WNT10A: variants seen among roughly 807,000 people sequenced by gnomAD.
The protein encoded by WNT10A is protein Wnt-10a.
In WNT10A, 37 loss-of-function variants were observed where a neutral mutation model predicts 36.1. The ratio of observed to expected loss-of-function variants is 1.02; its 90% CI spans 0.79 to 1.35. WNT10A has a LOEUF of 1.35. WNT10A is among the 40% of genes most tolerant of loss of function. The pLI, the probability that WNT10A is intolerant of heterozygous loss-of-function variation, is 0.00. For missense variants in WNT10A, 613 were observed against 601.4 expected (o/e 1.02, Z -0.20); for synonymous variants, 255 against 254.1 (o/e 1.00, Z -0.03).
rs1374611883 is a variant in WNT10A, at chr2:218,888,914, C to A, written c.377-1070C>A. On this transcript the variant is annotated intron_variant, in intron 2 of 3. Coordinates refer to ENST00000258411, the MANE Select transcript of WNT10A (RefSeq NM_025216.3). ...GTGTACATTTTATTTTATGAAATATCATTTTATTTATTTATTTATTTATTT... is the reference window on the plus strand; with the variant it reads ...GTGTACATTTTATTTTATGAAATATAATTTTATTTATTTATTTATTTATTT... Among the ~76,000 whole-genome samples the A allele has an allele frequency of 2.0e-5, 3 of 151,866 alleles. No homozygotes were observed. In the East Asian group the frequency reaches 5.8e-4, roughly 29 times the overall value.
rs530717943 is a variant in WNT10A at position 218,892,906 on chromosome 2, G to A, written c.889G>A (p.Ala297Thr). 5 of 1,535,850 alleles carry A rather than the reference G, an allele frequency of 3.3e-6. No homozygotes were observed. The East Asian group carries it at 1.3e-4, about 39-fold the overall frequency. The stretch of plus-strand genomic sequence containing the variant: ...GCTGCTGCGCAGCCGCTTCCACCGC[G>A]CCACGCTCATCCGGCCGCACAACCG... ...GALLRSRFHR[A>T]TLIRPHNRNG... Residue 297 changes from alanine to threonine, a missense_variant, in exon 4 of 4, where the codon GCC becomes ACC. Ala to Thr is a moderately conservative substitution (Grantham distance 58). Transcript: ENST00000258411.
upstream of WNT10A, among the ~76,000 whole-genome samples, chr2:218,878,727 G>A (rs1944475201): frequency 6.6e-6 from 1 of 152,112 alleles, no homozygotes; most frequent in South Asian, 2.1e-4. This position sits in a 1 kb window ranked among gnomAD's most constrained non-coding sequence, Gnocchi z 4.1. Flanking sequence ...CGCGTGATGG[G>A]GAATAAGGAC....
At chr2:218,891,641 GTTAA>G (rs1200385296) in intron 3 of WNT10A, among the ~76,000 whole-genome samples, 1 of 152,140 alleles carries the variant, frequency 6.6e-6, no homozygotes, top group Non-Finnish European at 1.5e-5. Context: ...CGTTAAACTG[GTTAA>G]TTAATGGCTG....
At chr2:218,878,285 C>T (rs903540476), upstream of WNT10A, among the ~76,000 whole-genome samples, 1 of 152,150 alleles carries the variant, frequency 6.6e-6, no homozygotes, top group African/African-American at 2.4e-5. The surrounding 1 kb of genome is among the most constrained non-coding windows in gnomAD (Gnocchi z 4.1). Flanking sequence ...AGACTCTCCC[C>T]TCCCTTCACT....
intron 3 of WNT10A, 105 bp from the exon 4 acceptor site, chr2:218,892,669 T>G: frequency 4.7e-6 from 7 of 1,501,324 alleles, no homozygotes; most frequent in East Asian, 2.6e-5. Context: ...CCTCAGCGTT[T>G]GCCTCTGTAT....
In WNT10A at chr2:218,890,201, G is replaced by A. The variant is rs373347655; in HGVS notation, c.594G>A (p.Leu198=). 6.2e-6 allele frequency: 10 copies of A among 1,613,934 alleles called. No individual in the cohort carries two copies. In the African/African-American group the frequency reaches 1.2e-4, roughly 19 times the overall value. ...ATGGGGTCCCGGAACACCCAGCCCT[G>A]CCCACAGCCAGCCCAGGCCTGCAGG... ...LSHGVPEHPA[L]PTASPGLQDS... The change falls in exon 3 of 4, where the codon CTG becomes CTA. Residue 198 remains leucine (L), a synonymous_variant. Coordinates refer to ENST00000258411, the MANE Select transcript of WNT10A (RefSeq NM_025216.3).
At chr2:218,884,774 T>A (rs1040960266) in intron 2 of WNT10A, among the ~76,000 whole-genome samples, 10 of 152,200 alleles carry the variant, frequency 6.6e-5, no homozygotes, top group African/African-American at 2.4e-4. Flanking sequence ...TCTACTTCCT[T>A]CCACCAGGAA....
rs1218800324 is a variant in WNT10A at position 218,892,956 on chromosome 2, C to CCCAGCGGGGGCACCCTCGCCGGCT, written c.942_965dup (p.Ala315_Pro322dup). ...GCAACGGCGGCCAGCTGGAGCCGGG[C>CCCAGCGGGGGCACCCTCGCCGGCT]CCAGCGGGGGCACCCTCGCCGGCTC... On this transcript the variant is annotated inframe_insertion, in exon 4 of 4. Coordinates refer to ENST00000258411, the MANE Select transcript of WNT10A (RefSeq NM_025216.3). The CCCAGCGGGGGCACCCTCGCCGGCT allele has an allele frequency of 6.9e-7, 1 of 1,444,496 alleles. No individual in the cohort carries two copies. Among genetic ancestry groups the CCCAGCGGGGGCACCCTCGCCGGCT allele is most frequent in the Non-Finnish European group, 9.1e-7 (1 of 1,104,802 alleles). The allele number at this position is 1,444,496 out of a possible 1,614,324, so 89.5% of individuals were successfully genotyped here.
chr2:218,892,608 G>C (rs1343175661), intron 3 of WNT10A, among the ~76,000 whole-genome samples, 166 bp from the exon 4 acceptor site: 7 of 152,128 alleles, frequency 4.6e-5, no homozygotes, highest in African/African-American at 1.7e-4. Context: ...AGGCAGAAGA[G>C]CAGGTACAGA....
At chr2:218,875,053 G>A in the WNT10A span, among the ~76,000 whole-genome samples, 14 of 150,842 alleles carry the variant, frequency 9.3e-5, no homozygotes, top group Admixed American at 6.0e-4. Flanking sequence ...CATGTCTAGG[G>A]CACAGAGCTT....
chr2:218,885,017 C>A (rs1944563613), intron 2 of WNT10A, among the ~76,000 whole-genome samples: 1 of 152,172 alleles, frequency 6.6e-6, no homozygotes, highest in Non-Finnish European at 1.5e-5. Flanking sequence ...GTCCTGACAC[C>A]TTCTCTGTAA....
chr2:218,891,617 C>T (rs1424675472), intron 3 of WNT10A, among the ~76,000 whole-genome samples: 2 of 152,292 alleles, frequency 1.3e-5, no homozygotes, highest in East Asian at 1.9e-4. Context: ...ACGGTGCCTC[C>T]TCCTCCTCCT....
intron 1 of WNT10A, 44 bp from the exon 2 acceptor site, chr2:218,882,117 G>A: frequency 6.3e-7 from 1 of 1,594,670 alleles, no homozygotes; most frequent in Non-Finnish European, 8.6e-7. Context: ...GGGCTCTCCT[G>A]GTCCCCCCAA....
At chr2:218,888,457 C>A (rs1369390043) in intron 2 of WNT10A, among the ~76,000 whole-genome samples, 2 of 152,228 alleles carry the variant, frequency 1.3e-5, no homozygotes, top group African/African-American at 4.8e-5. Flanking sequence ...CAGGGAAAAT[C>A]TGTGCCTCCT....
chr2:218,884,185 C>T lies in WNT10A; in HGVS notation c.376+1762C>T, dbSNP rs1387676985. 2.0e-5 allele frequency: 3 copies of T among 152,650 alleles called. No individual in the cohort carries two copies. The East Asian group carries it at 5.8e-4, about 29-fold the overall frequency. The allele number at this position is 152,650 out of a possible 1,614,324, so 9.5% of individuals were successfully genotyped here. ...GTGAATCCAGGTGCCCTGAGTGGCT[C>T]GCTGGGTCAGGCCCGCGCGGCCTGC... On this transcript the variant is annotated intron_variant, in intron 2 of 3. Coordinates refer to ENST00000258411, the MANE Select transcript of WNT10A (RefSeq NM_025216.3).
chr2:218,886,968 C>G (rs1170492956), intron 2 of WNT10A, among the ~76,000 whole-genome samples: 1 of 152,152 alleles, frequency 6.6e-6, no homozygotes, highest in Non-Finnish European at 1.5e-5. Context: ...GTACGTTTCT[C>G]CAGTTTCCCC....
chr2:218,880,867 C>A lies in WNT10A; in HGVS notation c.-129C>A. ...GGCGGGCGCCGTCTGCTCCGGGAGC[C>A]CTGACCCGAGTCGGAGCTGTGTGTC... is the stretch of plus-strand genomic sequence containing the variant. On this transcript the variant is annotated 5_prime_UTR_variant, in exon 1 of 4. Transcript: ENST00000258411. The surrounding 1 kb of genome is among the most constrained non-coding windows in gnomAD (Gnocchi z 7.7). 2 of 1,200,884 alleles carry A rather than the reference C, an allele frequency of 1.7e-6. No homozygotes were observed. The highest frequency in any genetic ancestry group is 2.2e-6 in the Non-Finnish European group (2 of 900,768). The allele number at this position is 1,200,884 out of a possible 1,614,324, so 74.4% of individuals were successfully genotyped here.
chr2:218,877,699 G>A (rs574615425), upstream of WNT10A, among the ~76,000 whole-genome samples: 1 of 152,320 alleles, frequency 6.6e-6, no homozygotes, highest in African/African-American at 2.4e-5. The surrounding 1 kb of genome is among the most constrained non-coding windows in gnomAD (Gnocchi z 4.1). Context: ...TCAGCCTGAG[G>A]CCACGGGCTC....
intron 3 of WNT10A, among the ~76,000 whole-genome samples, chr2:218,892,280 C>T (rs943300471): frequency 2.1e-5 from 3 of 142,258 alleles, no homozygotes; most frequent in Admixed American, 7.1e-5. Context: ...TGAAACTCAC[C>T]GAACACCCCT....
Sources: gnomAD v4.1 joint callset for allele counts (sites outside exome capture counted in the v4.1 genomes callset) on GRCh38, gnomAD v4.1.1 for gene constraint, Gnocchi (gnomAD v3.1) non-coding constraint, MANE v1.5 for transcripts, NCBI Gene and HGNC (gene_info 2026-07-23, HGNC 2026-07-21) for gene names.